The following EPB41L1 variants were observed in gnomAD, a reference collection of about 807,000 sequenced individuals.
EPB41L1 encodes the protein erythrocyte membrane protein band 4.1 like 1, also known as band 4.1-like protein 1.
EPB41L1 carries 29 observed loss-of-function variants against 97.8 expected under a neutral mutation model. The observed-to-expected ratio is 0.30, with a 90% confidence interval of 0.22 to 0.40. The LOEUF (loss-of-function observed/expected upper bound fraction) is 0.40, where lower values mean the gene tolerates loss of function less well. Ranked by LOEUF, EPB41L1 falls within the 10% of genes least tolerant of loss-of-function variation. EPB41L1 has a pLI of 1.00. For missense variants in EPB41L1, 812 were observed against 1,162.3 expected, an observed-to-expected ratio of 0.70 and a Z score of 4.38; for synonymous variants, 383 against 459.2, an observed-to-expected ratio of 0.83 and a Z score of 2.12.
At chr20:36,099,993 A>G (rs900193549) in intron 1 of EPB41L1, among the ~76,000 whole-genome samples, 1 of 152,198 alleles carries the variant, frequency 6.6e-6, no homozygotes, top group African/African-American at 2.4e-5. Context: ...TTGTTCTGTT[A>G]TCACTCTGGC....
At chr20:36,140,255 G>A (rs1312208170) in intron 2 of EPB41L1, among the ~76,000 whole-genome samples, 3 of 146,518 alleles carry the variant, frequency 2.0e-5, no homozygotes, top group Admixed American at 1.4e-4. Flanking sequence ...TTTTTTAGTA[G>A]GGATGAGGTT....
chr20:36,107,775 G>A lies in EPB41L1; in HGVS notation c.-64-4651G>A, dbSNP rs1265954180. On this transcript the variant is annotated intron_variant, in intron 1 of 19. Transcript: ENST00000202028. Reference sequence around the variant, plus strand: ...ACCTGGGAGGTGGAGATTGCAGTGAGCTGAGATCACACCACTGCACTCTAG... The same window carrying A: ...ACCTGGGAGGTGGAGATTGCAGTGAACTGAGATCACACCACTGCACTCTAG... Among the ~76,000 whole-genome samples the A allele has an allele frequency of 9.9e-5, 15 of 151,732 alleles. No homozygotes were observed. The East Asian group carries it at 2.6e-3, about 26-fold the overall frequency.
intron 17 of EPB41L1, among the ~76,000 whole-genome samples, chr20:36,217,655 G>A (rs2146993367): frequency 6.6e-6 from 1 of 152,282 alleles, no homozygotes; most frequent in East Asian, 1.9e-4. Context: ...GCTGTTAAGG[G>A]GAAAGGAAGC....
chr20:36,157,728 C>T (rs2060367307), intron 1 of EPB41L1, among the ~76,000 whole-genome samples: 1 of 152,206 alleles, frequency 6.6e-6, no homozygotes. Context: ...TAGCCTTGGC[C>T]TTCTCCTTCC....
intron 1 of EPB41L1, among the ~76,000 whole-genome samples, chr20:36,159,865 A>G (rs1181449714): frequency 2.6e-5 from 4 of 152,236 alleles, no homozygotes; most frequent in Non-Finnish European, 5.9e-5. Flanking sequence ...TTGGCAAGTT[A>G]ATTAATCTTT....
intron 1 of EPB41L1, among the ~76,000 whole-genome samples, chr20:36,168,966 G>T (rs184996643): frequency 6.6e-6 from 1 of 151,726 alleles, no homozygotes; most frequent in Non-Finnish European, 1.5e-5. Context: ...GGTGGCTCAC[G>T]CCTGTAATCC....
chr20:36,137,143 C>T (rs538799577), intron 2 of EPB41L1, among the ~76,000 whole-genome samples: 10 of 147,932 alleles, frequency 6.8e-5, no homozygotes, highest in African/African-American at 2.3e-4. Flanking sequence ...GGCTCAATCT[C>T]GGTTCACTGC....
chr20:36,170,308 C>T (rs1198096367), intron 1 of EPB41L1, among the ~76,000 whole-genome samples: 1 of 152,014 alleles, frequency 6.6e-6, no homozygotes, highest in Non-Finnish European at 1.5e-5. Flanking sequence ...GTAGCAAAAC[C>T]AAGAACTACA....
intron 7 of EPB41L1, 81 bp downstream of exon 7, chr20:36,185,416 C>T: frequency 7.5e-7 from 1 of 1,337,084 alleles, no homozygotes; most frequent in Non-Finnish European, 1.0e-6. Context: ...TCCTAGGCCG[C>T]CACATACTGT....
In EPB41L1 at chr20:36,206,582, T is replaced by A. The variant is rs956396197; in HGVS notation, c.1669-2906T>A. ...CCCGGAGGTGAGCCCAGGCCGACGC[T>A]GAATTCCTTAGACCTGAGGGTTTCT... On this transcript the variant is annotated intron_variant, in intron 14 of 21. Coordinates refer to ENST00000338074, the MANE Select transcript of EPB41L1 (RefSeq NM_012156.2). This position sits in a 1 kb window ranked among gnomAD's most constrained non-coding sequence, Gnocchi z 5.5. The A allele has an allele frequency of 3.3e-5, 43 of 1,289,720 alleles. No homozygotes were observed. The African/African-American group carries it at 6.2e-4, about 19-fold the overall frequency. The allele number at this position is 1,289,720 out of a possible 1,614,324, so 79.9% of individuals were successfully genotyped here.
At chr20:36,129,193 T>A (rs2059092266) in intron 2 of EPB41L1, among the ~76,000 whole-genome samples, 1 of 152,046 alleles carries the variant, frequency 6.6e-6, no homozygotes, top group African/African-American at 2.4e-5. Context: ...CGAGTCCCTG[T>A]GGAAACACAG....
chr20:36,201,916 A>G (rs112823966), intron 14 of EPB41L1, among the ~76,000 whole-genome samples: 4 of 152,206 alleles, frequency 2.6e-5, no homozygotes, highest in East Asian at 3.8e-4. Context: ...ACCTTTCTCC[A>G]TTCTCAGAGA....
chr20:36,206,360 C>T lies in EPB41L1; in HGVS notation c.1669-3128C>T, dbSNP rs1014538609. 1 of 1,289,932 alleles carries T rather than the reference C, an allele frequency of 7.8e-7. No homozygotes were observed. Among genetic ancestry groups the T allele is most frequent in the Non-Finnish European group, 1.0e-6 (1 of 988,910 alleles). 79.9% of individuals were successfully genotyped at this position (1,289,932 alleles called of 1,614,324 possible). A position where few individuals can be genotyped will look rare whatever the true frequency, so the allele number is the denominator to read the frequency against. Reference sequence around the variant, plus strand: ...AGGCCAGCAGAGGTGGACGTCCTCTCTCCAGCCTCCGACAAGGGAGGACTC... The same window carrying T: ...AGGCCAGCAGAGGTGGACGTCCTCTTTCCAGCCTCCGACAAGGGAGGACTC... On this transcript the variant is annotated intron_variant, in intron 14 of 21. Coordinates refer to ENST00000338074, the MANE Select transcript of EPB41L1 (RefSeq NM_012156.2). The surrounding 1 kb of genome is among the most constrained non-coding windows in gnomAD (Gnocchi z 5.5).
intron 6 of EPB41L1, 65 bp from the exon 7 acceptor site, chr20:36,185,052 C>T: frequency 1.3e-6 from 2 of 1,508,448 alleles, no homozygotes; most frequent in South Asian, 1.1e-5. Context: ...TGATGGACAG[C>T]TGTGCTTGGG....
At chr20:36,139,942 C>G (rs968609949) in intron 2 of EPB41L1, among the ~76,000 whole-genome samples, 1 of 152,100 alleles carries the variant, frequency 6.6e-6, no homozygotes, top group African/African-American at 2.4e-5. Context: ...TGTTGGTCAG[C>G]TGGTCTCGAA....
intron 1 of EPB41L1, among the ~76,000 whole-genome samples, chr20:36,095,365 C>G (rs1396150441): frequency 6.6e-6 from 1 of 152,238 alleles, no homozygotes. Flanking sequence ...GCCTCCGCCT[C>G]CCAAAGTGCT....
intron 2 of EPB41L1, among the ~76,000 whole-genome samples, chr20:36,123,409 T>C (rs2058832348): frequency 6.6e-6 from 1 of 152,188 alleles, no homozygotes; most frequent in Admixed American, 6.5e-5. Context: ...CCAGATCACA[T>C]GTCCTCAGAA....
chr20:36,229,399 G>A lies in EPB41L1; in HGVS notation c.*59G>A. The A allele has an allele frequency of 1.3e-6, 2 of 1,581,446 alleles. No homozygotes were observed. The highest frequency in any genetic ancestry group is 1.4e-5 in the African/African-American group (1 of 73,962). On this transcript the variant is annotated 3_prime_UTR_variant, in exon 22 of 22. Coordinates refer to ENST00000338074, the MANE Select transcript of EPB41L1 (RefSeq NM_012156.2). ...ACCCAAGCCAGAGAACCATTAAGAA[G>A]GGGCCTTCATTCTGGATTCTCCGAC...
intron 17 of EPB41L1, 69 bp downstream of exon 17, chr20:36,214,509 C>A: frequency 7.8e-7 from 1 of 1,282,588 alleles, no homozygotes; most frequent in East Asian, 2.5e-5. Context: ...AGAGAACAAG[C>A]TAACATCGCC....
Sources: allele counts gnomAD v4.1 joint callset (sites outside exome capture counted in the v4.1 genomes callset), GRCh38; gene constraint gnomAD v4.1.1; non-coding constraint Gnocchi (gnomAD v3.1); transcripts MANE v1.5; gene names NCBI Gene and HGNC (gene_info 2026-07-23, HGNC 2026-07-21).